The following NXPH1 variants were observed in gnomAD, a reference collection of about 807,000 sequenced individuals.
NXPH1 encodes the protein neurexophilin 1.
Under a neutral mutation model 23.7 loss-of-function variants are expected in NXPH1, and 5 were observed. The ratio of observed to expected loss-of-function variants is 0.21; its 90% CI spans 0.11 to 0.44. The LOEUF (loss-of-function observed/expected upper bound fraction) is 0.44, where lower values mean the gene tolerates loss of function less well. Ranked by LOEUF, NXPH1 falls within the 20% of genes least tolerant of loss-of-function variation. The probability of loss-of-function intolerance (pLI) is 0.99; values close to 1 mark genes in which losing one functional copy is unlikely to be tolerated. For missense variants in NXPH1, 324 were observed against 321.6 expected, an observed-to-expected ratio of 1.01 and a Z score of -0.06; for synonymous variants, 144 against 122.2, an observed-to-expected ratio of 1.18 and a Z score of -1.18.
intron 2 of NXPH1, among the ~76,000 whole-genome samples, chr7:8,605,077 A>G (rs571432975): frequency 2.0e-5 from 3 of 152,146 alleles, no homozygotes; most frequent in Admixed American, 1.3e-4. Flanking sequence ...GTATTTTAAC[A>G]TTTGAAATAA....
intron 2 of NXPH1, among the ~76,000 whole-genome samples, chr7:8,488,029 G>T (rs928019439): frequency 6.6e-6 from 1 of 152,082 alleles, no homozygotes; most frequent in East Asian, 1.9e-4. Flanking sequence ...TACTTATCAG[G>T]CTCTGCCACC....
chr7:8,515,875 T>C (rs1817678670), intron 2 of NXPH1, among the ~76,000 whole-genome samples: 1 of 152,160 alleles, frequency 6.6e-6, no homozygotes. Context: ...GTATGGCCCA[T>C]GGGTTACTCA....
intron 2 of NXPH1, among the ~76,000 whole-genome samples, chr7:8,505,127 T>G (rs572897807): frequency 1.3e-5 from 2 of 152,114 alleles, no homozygotes; most frequent in African/African-American, 4.8e-5. Context: ...ATGTCTGATT[T>G]TACAGTGCAC....
chr7:8,611,680 A>G (rs953813286), intron 2 of NXPH1, among the ~76,000 whole-genome samples: 5 of 152,264 alleles, frequency 3.3e-5, no homozygotes, highest in Admixed American at 2.6e-4. Flanking sequence ...ATATGTTTTC[A>G]ATAACTCCAA....
chr7:8,523,649 T>C (rs1184266568), intron 2 of NXPH1, among the ~76,000 whole-genome samples: 1 of 152,198 alleles, frequency 6.6e-6, no homozygotes, highest in Non-Finnish European at 1.5e-5. Flanking sequence ...GTTTGTAAAG[T>C]AATTTGTACT....
chr7:8,686,463 G>A (rs1583230450), intron 2 of NXPH1, among the ~76,000 whole-genome samples: 2 of 152,032 alleles, frequency 1.3e-5, no homozygotes, highest in African/African-American at 4.8e-5. Flanking sequence ...TATTACACTT[G>A]GATATGACCT....
intron 2 of NXPH1, among the ~76,000 whole-genome samples, chr7:8,544,721 G>A (rs941297986): frequency 6.6e-6 from 1 of 151,488 alleles, no homozygotes; most frequent in Non-Finnish European, 1.5e-5. Context: ...TTTAAGTAGA[G>A]CATTATGTTA....
intron 2 of NXPH1, among the ~76,000 whole-genome samples, chr7:8,527,213 T>C (rs1817876686): frequency 6.6e-6 from 1 of 152,210 alleles, no homozygotes; most frequent in South Asian, 2.1e-4. Flanking sequence ...TATGTGGAGA[T>C]TCTGGTTCAC....
chr7:8,605,772 A>T (rs1415998329), intron 2 of NXPH1, among the ~76,000 whole-genome samples: 1 of 152,100 alleles, frequency 6.6e-6, no homozygotes, highest in Admixed American at 6.6e-5. Context: ...ATCAAATAAG[A>T]TTAGGAAGAA....
At chr7:8,641,535 G>C (rs1025197374) in intron 2 of NXPH1, among the ~76,000 whole-genome samples, 11 of 151,990 alleles carry the variant, frequency 7.2e-5, no homozygotes, top group Non-Finnish European at 1.6e-4. Flanking sequence ...CCCACCCCCA[G>C]AGACAACAAT....
chr7:8,491,312 C>G (rs1226527805), intron 2 of NXPH1, among the ~76,000 whole-genome samples: 3 of 151,946 alleles, frequency 2.0e-5, no homozygotes, highest in African/African-American at 7.2e-5. Flanking sequence ...TTCAGGACTC[C>G]ATTTCCAATC....
At chr7:8,588,457 GA>G (rs35072376) in intron 2 of NXPH1, among the ~76,000 whole-genome samples, 1 of 150,814 alleles carries the variant, frequency 6.6e-6, no homozygotes, top group African/African-American at 2.4e-5. Context: ...CCAGGACAGT[GA>G]AAAAAAAATG....
At chr7:8,558,362 C>T (rs1433955378) in intron 2 of NXPH1, among the ~76,000 whole-genome samples, 1 of 151,596 alleles carries the variant, frequency 6.6e-6, no homozygotes, top group East Asian at 2.0e-4. Context: ...TCTCAGGTGC[C>T]ACTGGACATC....
intron 2 of NXPH1, among the ~76,000 whole-genome samples, chr7:8,671,722 G>A (rs1160975317): frequency 6.6e-6 from 1 of 152,142 alleles, no homozygotes; most frequent in Admixed American, 6.5e-5. Context: ...TCTATCATAA[G>A]GTTATTGCAT....
intron 2 of NXPH1, among the ~76,000 whole-genome samples, chr7:8,737,939 G>A (rs1174288563): frequency 1.3e-5 from 2 of 152,054 alleles, no homozygotes; most frequent in South Asian, 2.1e-4. Flanking sequence ...ACTGATACTC[G>A]TGTATGTTTC....
intron 2 of NXPH1, among the ~76,000 whole-genome samples, chr7:8,683,039 G>C (rs1821082210): frequency 6.6e-6 from 1 of 152,196 alleles, no homozygotes; most frequent in South Asian, 2.1e-4. Context: ...GTGAAGAAGA[G>C]GTGTTTATTT....
At chr7:8,637,412 A>G (rs78697210) in intron 2 of NXPH1, among the ~76,000 whole-genome samples, 2,910 of 152,070 alleles carry the variant, frequency 0.019, 99 homozygotes, top group African/African-American at 0.067. Flanking sequence ...TTTTTTAGAG[A>G]TGGGGTTTCA....
Position 8,683,235 on chromosome 7 carries a change from G to T in NXPH1, c.55-67773G>T, listed in dbSNP as rs147401916. On this transcript the variant is annotated intron_variant, in intron 2 of 2. Transcript: ENST00000405863. ...ACTGTCTTTTGCATAAATGCATAGA[G>T]CAAGAACTCACTATTGTGGGGAGGG... is the stretch of plus-strand genomic sequence containing the variant. Among the ~76,000 whole-genome samples, 12 of 152,304 alleles carry T rather than the reference G, an allele frequency of 7.9e-5. No homozygotes were observed. In the East Asian group the frequency reaches 2.3e-3, roughly 29 times the overall value.
intron 2 of NXPH1, among the ~76,000 whole-genome samples, chr7:8,500,211 G>C (rs188650615): frequency 1.3e-5 from 2 of 152,112 alleles, no homozygotes; most frequent in East Asian, 3.9e-4. Context: ...CTTAATTAGT[G>C]GTCACTTTTA....
Sources: allele counts gnomAD v4.1 joint callset (sites outside exome capture counted in the v4.1 genomes callset), GRCh38; gene constraint gnomAD v4.1.1; transcripts MANE v1.5; gene names NCBI Gene and HGNC (gene_info 2026-07-23, HGNC 2026-07-21).